CGREF1: variants seen among roughly 807,000 people sequenced by gnomAD.
The protein encoded by CGREF1 is cell growth regulator with EF-hand domain 1.
A neutral mutation model predicts 17.4 loss-of-function variants in CGREF1; 16 were observed. The observed-to-expected ratio is 0.92, with a 90% confidence interval of 0.62 to 1.40. The LOEUF is 1.40. Among genes scored for constraint, CGREF1 ranks in the 40% most tolerant of loss-of-function variants. The pLI is 0.00. For synonymous variants in CGREF1, 142 were observed against 154.6 expected (o/e 0.92, Z 0.61); for missense variants, 296 against 376.4 (o/e 0.79, Z 1.77).
intron 1 of CGREF1, among the ~76,000 whole-genome samples, chr2:27,115,656 G>A (rs2148399660): frequency 6.6e-6 from 1 of 152,254 alleles, no homozygotes; most frequent in African/African-American, 2.4e-5. Flanking sequence ...AGAACCTTCA[G>A]TGGCTCCCTA....
chr2:27,103,085 A>C (rs1490989771), intron 2 of CGREF1: 10 of 985,122 alleles, frequency 1.0e-5, no homozygotes, highest in Non-Finnish European at 1.2e-5. Flanking sequence ...CTGGGGTTTC[A>C]AGCTGCTCAG....
intron 1 of CGREF1, among the ~76,000 whole-genome samples, chr2:27,109,369 CT>C (rs1436560956): frequency 3.5e-5 from 3 of 86,948 alleles, no homozygotes; most frequent in African/African-American, 1.1e-4. Flanking sequence ...AAGACCCTGT[CT>C]TAAAAAAAAA....
downstream of CGREF1, chr2:27,100,525 A>G (rs1428392796): frequency 5.4e-6 from 7 of 1,290,866 alleles, no homozygotes; most frequent in Admixed American, 4.6e-5. Flanking sequence ...GCCAACTCCA[A>G]TATAGGGTGG....
At chr2:27,104,576 T>C in intron 1 of CGREF1, 199 bp from the exon 2 acceptor site, 1 of 1,550,528 alleles carries the variant, frequency 6.4e-7, no homozygotes, top group Non-Finnish European at 8.7e-7. Flanking sequence ...TCACTCCAGC[T>C]CTTGTATATA....
intron 1 of CGREF1, among the ~76,000 whole-genome samples, chr2:27,111,848 C>T (rs1671402089): frequency 1.3e-5 from 2 of 152,136 alleles, no homozygotes; most frequent in South Asian, 4.1e-4. Flanking sequence ...TCGCGCCTCT[C>T]CCTACACACC....
At chr2:27,109,010 ATCC>A (rs1242804987) in intron 1 of CGREF1, among the ~76,000 whole-genome samples, 1 of 152,026 alleles carries the variant, frequency 6.6e-6, no homozygotes, top group Non-Finnish European at 1.5e-5. Context: ...GGTGCAAGCA[ATCC>A]TCCTACCTTG....
intron 1 of CGREF1, among the ~76,000 whole-genome samples, chr2:27,109,572 T>C (rs898383118): frequency 6.6e-5 from 10 of 151,990 alleles, no homozygotes; most frequent in African/African-American, 2.4e-4. Context: ...AGAGTGGACA[T>C]ATTGATGAAC....
Position 27,102,595 on chromosome 2 carries a change from G to T in CGREF1, c.81-4C>A, listed in dbSNP as rs199914808. 1 of 1,610,618 alleles carries T rather than the reference G, an allele frequency of 6.2e-7. No homozygotes were observed. Among genetic ancestry groups the T allele is most frequent in the Non-Finnish European group, 8.5e-7 (1 of 1,179,558 alleles). On this transcript the variant is annotated splice_polypyrimidine_tract_variant and splice_region_variant and intron_variant, in intron 2 of 5. Coordinates refer to ENST00000402394, the MANE Select transcript of CGREF1 (RefSeq NM_006569.6). ...ATGCTGCACTTCAGAGTCTGGCCTG[G>T]AGGAGGAAGGGGAGGACCAGCCTTG... is the stretch of plus-strand genomic sequence containing the variant.
intron 1 of CGREF1, among the ~76,000 whole-genome samples, chr2:27,112,463 C>T (rs1015543516): frequency 2.0e-5 from 3 of 152,186 alleles, no homozygotes; most frequent in African/African-American, 7.2e-5. Flanking sequence ...CTTACAATCA[C>T]TAAGGAAACT....
At chr2:27,099,864 T>G, downstream of CGREF1, 8 of 1,551,196 alleles carry the variant, frequency 5.2e-6, no homozygotes, top group Non-Finnish European at 5.2e-6. Context: ...AGATGCAAGC[T>G]GTGGGGAGGA....
intron 1 of CGREF1, among the ~76,000 whole-genome samples, chr2:27,116,871 T>TTCTCTCTCTCTCTCTCTCTCTCCC (rs1671587898): frequency 8.9e-5 from 3 of 33,680 alleles, no homozygotes; most frequent in Non-Finnish European, 1.8e-4. Flanking sequence ...GCCAGGCCTA[T>TTCTCTCTCTCTCTCTCTCTCTCCC]TCTCTCTCTC....
chr2:27,103,736 G>C (rs1021913059), intron 2 of CGREF1, among the ~76,000 whole-genome samples: 2 of 148,682 alleles, frequency 1.3e-5, no homozygotes, highest in Admixed American at 6.7e-5. Context: ...TGTAATCCCA[G>C]CACTTTGAGA....
rs778689042 is a variant in CGREF1, at chr2:27,102,091, G to A, written c.342+6C>T. 1 of 1,601,244 alleles carries A rather than the reference G, an allele frequency of 6.2e-7. No individual in the cohort carries two copies. Among genetic ancestry groups the A allele is most frequent in the African/African-American group, 1.3e-5 (1 of 74,556 alleles). ...TATGCGGGGATCTCCATCCAGCAGA[G>A]CTTACCGGGTTGGTGGTAGGAGAGT... On this transcript the variant is annotated splice_donor_region_variant and intron_variant, in intron 5 of 5. Transcript: ENST00000402394.
rs898306548 is a variant in CGREF1, at chr2:27,101,158, C to T, written c.*116G>A. The T allele has an allele frequency of 6.7e-6, 10 of 1,483,580 alleles. No individual in the cohort carries two copies. In the African/African-American group the frequency reaches 1.4e-4, roughly 21 times the overall value. The allele number at this position is 1,483,580 out of a possible 1,614,324, so 91.9% of individuals were successfully genotyped here. Reference sequence around the variant, plus strand: ...GCTGCACAGAAAGACCTGATACCTACTGGGACCAGGCAGGGGGCACAGAGA... The same window carrying T: ...GCTGCACAGAAAGACCTGATACCTATTGGGACCAGGCAGGGGGCACAGAGA... On this transcript the variant is annotated 3_prime_UTR_variant, in exon 6 of 6. Transcript: ENST00000402394.
chr2:27,099,460 G>C, downstream of CGREF1: 2 of 1,614,016 alleles, frequency 1.2e-6, no homozygotes, highest in Non-Finnish European at 1.7e-6. Flanking sequence ...GGGCGCCGAC[G>C]CCCTGGGCCC....
intron 1 of CGREF1, among the ~76,000 whole-genome samples, chr2:27,105,040 C>T (rs1228899614): frequency 6.6e-6 from 1 of 152,222 alleles, no homozygotes; most frequent in Non-Finnish European, 1.5e-5. Flanking sequence ...TCCCCTAAGA[C>T]TGACATGGCT....
chr2:27,116,924 T>TCTCTCTCTCTCTC (rs1558467022), intron 1 of CGREF1, among the ~76,000 whole-genome samples: 2 of 92,496 alleles, frequency 2.2e-5, no homozygotes, highest in South Asian at 3.1e-4. Context: ...TCTCTCTCTC[T>TCTCTCTCTCTCTC]TTTTTTGAGA....
rs1414137655 is a variant in CGREF1, at chr2:27,100,794, A to G, written c.*480T>C. 4 of 1,112,910 alleles carry G rather than the reference A, an allele frequency of 3.6e-6. No individual in the cohort carries two copies. Among genetic ancestry groups the G allele is most frequent in the Admixed American group, 4.4e-5 (1 of 22,570 alleles). 68.9% of individuals were successfully genotyped at this position (1,112,910 alleles called of 1,614,324 possible). A position where few individuals can be genotyped will look rare whatever the true frequency, so the allele number is the denominator to read the frequency against. ...TCTCAAAAAGTTCTAGTGATGATTA[A>G]TATTACTGGGGATGGGGTCACCTGC... On this transcript the variant is annotated 3_prime_UTR_variant, in exon 6 of 6. Coordinates refer to ENST00000402394, the MANE Select transcript of CGREF1 (RefSeq NM_006569.6).
Position 27,101,358 on chromosome 2 carries a change from T to C in CGREF1, c.873A>G (p.Glu291=). 1 of 1,612,336 alleles carries C rather than the reference T, an allele frequency of 6.2e-7. No homozygotes were observed. Among genetic ancestry groups the C allele is most frequent in the South Asian group, 1.1e-5 (1 of 90,868 alleles). ...EARENGEEAK[E]LPGETLESKN... ...TAGACTCCAGTGTTTCCCCTGGAAG[T>C]TCCTTGGCCTCCTCTCCATTCTCCC... is the stretch of plus-strand genomic sequence containing the variant. The change falls in exon 6 of 6, where the codon GAA becomes GAG. Residue 291 remains glutamate (E), a synonymous_variant. Coordinates refer to ENST00000402394, the MANE Select transcript of CGREF1 (RefSeq NM_006569.6).
Sources: gnomAD v4.1 joint callset for allele counts (sites outside exome capture counted in the v4.1 genomes callset) on GRCh38, gnomAD v4.1.1 for gene constraint, MANE v1.5 for transcripts, NCBI Gene and HGNC (gene_info 2026-07-23, HGNC 2026-07-21) for gene names.